Variants in ADAM28 observed in about 807,000 individuals in gnomAD.
The protein encoded by ADAM28 is disintegrin and metalloproteinase domain-containing protein 28.
A neutral mutation model predicts 101.2 loss-of-function variants in ADAM28; 105 were observed. That is an observed-to-expected ratio of 1.04 (90% CI 0.89 to 1.22). The LOEUF is 1.22. Among genes scored for constraint, ADAM28 ranks in the 50% most tolerant of loss-of-function variants. ADAM28 has a pLI of 0.00. For missense variants in ADAM28, 1,028 were observed against 945.4 expected, an observed-to-expected ratio of 1.09 and a Z score of -1.15; for synonymous variants, 322 against 310.6, an observed-to-expected ratio of 1.04 and a Z score of -0.39.
intron 4 of ADAM28, among the ~76,000 whole-genome samples, chr8:24,310,938 A>G (rs111361162): frequency 1.6e-3 from 237 of 152,336 alleles, no homozygotes; most frequent in African/African-American, 5.5e-3. Flanking sequence ...TGATAAATCA[A>G]GAAAGAAAAA....
intron 13 of ADAM28, among the ~76,000 whole-genome samples, chr8:24,333,292 A>G (rs1813605171): frequency 6.6e-6 from 1 of 152,186 alleles, no homozygotes; most frequent in Admixed American, 6.5e-5. Flanking sequence ...TTGTATGTTA[A>G]TAATTTGCTA....
At chr8:24,305,960 T>A (rs1809551633) in intron 2 of ADAM28, among the ~76,000 whole-genome samples, 1 of 152,022 alleles carries the variant, frequency 6.6e-6, no homozygotes, top group Non-Finnish European at 1.5e-5. Flanking sequence ...TTTGCCAGGG[T>A]TTAATTCCAG....
rs779618443 is a variant in ADAM28 at position 24,341,587 on chromosome 8, TTTTTC to T, written c.1671-10_1671-6del. 23 of 1,608,370 alleles carry T rather than the reference TTTTTC, an allele frequency of 1.4e-5. 1 individual carries two copies. The South Asian group carries it at 2.4e-4, about 17-fold the overall frequency. On this transcript the variant is annotated splice_region_variant and splice_polypyrimidine_tract_variant and intron_variant, in intron 15 of 22. Transcript: ENST00000265769. Reference sequence around the variant, plus strand: ...TTTGAATCCTGCAATACATTTTGGCTTTTTCCTCAGTGATACCATGTGTGGGAAGT... The same window carrying T: ...TTTGAATCCTGCAATACATTTTGGCTCTCAGTGATACCATGTGTGGGAAGT...
At chr8:24,309,819 G>A (rs1487547944) in intron 2 of ADAM28, 75 bp from the exon 3 acceptor site, 2 of 1,126,446 alleles carry the variant, frequency 1.8e-6, no homozygotes, top group East Asian at 2.4e-5. Flanking sequence ...GCTTGCTAAT[G>A]ACTACACAGA....
chr8:24,350,663 C>T (rs892740123), intron 19 of ADAM28, among the ~76,000 whole-genome samples: 13 of 152,258 alleles, frequency 8.5e-5, no homozygotes, highest in Admixed American at 2.6e-4. Flanking sequence ...ACAAGAACTT[C>T]ATAAAGTGGT....
chr8:24,321,308 C>A lies in ADAM28; in HGVS notation c.720+19C>A, dbSNP rs1277162970. ...CAACATGGTAAGACATATTTTATTA[C>A]CTGCAGTTTTAAACAGTTTGCTGGG... On this transcript the variant is annotated intron_variant, in intron 8 of 22. Transcript: ENST00000265769. The A allele has an allele frequency of 6.4e-7, 1 of 1,570,678 alleles. No homozygotes were observed. Among genetic ancestry groups the A allele is most frequent in the South Asian group, 1.1e-5 (1 of 90,176 alleles).
At chr8:24,327,550 T>C (rs545492571) in intron 10 of ADAM28, among the ~76,000 whole-genome samples, 1 of 152,140 alleles carries the variant, frequency 6.6e-6, no homozygotes, top group African/African-American at 2.4e-5. Flanking sequence ...AAATTTCATA[T>C]GGAACCAAAA....
chr8:24,299,856 C>G (rs1808471261), intron 1 of ADAM28, 118 bp from the exon 2 acceptor site: 3 of 687,094 alleles, frequency 4.4e-6, no homozygotes, highest in African/African-American at 1.8e-5. Context: ...CTCTGACATT[C>G]ATCACTTCAG....
chr8:24,346,238 T>C (rs1004201191), intron 18 of ADAM28, among the ~76,000 whole-genome samples: 5 of 152,126 alleles, frequency 3.3e-5, no homozygotes. Flanking sequence ...ACCATAATAG[T>C]ATTAGCAATA....
At chr8:24,303,362 C>CT (rs140600974) in intron 2 of ADAM28, among the ~76,000 whole-genome samples, 3,421 of 152,200 alleles carry the variant, frequency 0.022, 50 homozygotes, top group Non-Finnish European at 0.035. Context: ...CTGCATGTGG[C>CT]TAGCCAGTTC....
Position 24,341,624 on chromosome 8 carries a change from G to A in ADAM28, c.1697G>A (p.Cys566Tyr), listed in dbSNP as rs762199294. 11 of 1,613,502 alleles carry A rather than the reference G, an allele frequency of 6.8e-6. No individual in the cohort carries two copies. In the African/African-American group the frequency reaches 1.1e-4, roughly 16 times the overall value. The change falls in exon 16 of 23, where the codon TGT becomes TAT. Residue 566 changes from cysteine (C) to tyrosine (Y), a missense_variant. By Grantham distance (194) the Cys-to-Tyr change is radical (BLOSUM62 -2). Transcript: ENST00000265769. ...GATACCATGTGTGGGAAGTTGTTCT[G>A]TCAAGGTGGGTCGGATAATTTGCCC... Reference protein sequence around the residue: ...ANDTMCGKLFCQGGSDNLPWK... With the variant: ...ANDTMCGKLFYQGGSDNLPWK...
intron 21 of ADAM28, among the ~76,000 whole-genome samples, chr8:24,353,559 G>A (rs1816420738): frequency 1.3e-5 from 2 of 152,118 alleles, no homozygotes; most frequent in Admixed American, 6.6e-5. Context: ...AAAATATGGT[G>A]AGGAGAAAGT....
At chr8:24,305,925 T>C (rs1310980166) in intron 2 of ADAM28, among the ~76,000 whole-genome samples, 4 of 152,130 alleles carry the variant, frequency 2.6e-5, no homozygotes, top group Non-Finnish European at 5.9e-5. Context: ...ACAATAACCA[T>C]GTGGCTAAAC....
chr8:24,303,564 TC>T (rs1809127739), intron 2 of ADAM28, among the ~76,000 whole-genome samples: 2 of 152,186 alleles, frequency 1.3e-5, no homozygotes, highest in Non-Finnish European at 2.9e-5. Flanking sequence ...CACCTTGAAG[TC>T]CGGTAGTATA....
chr8:24,315,701 C>A (rs1474592778), intron 6 of ADAM28, among the ~76,000 whole-genome samples: 1 of 151,770 alleles, frequency 6.6e-6, no homozygotes, highest in African/African-American at 2.4e-5. Flanking sequence ...GACAAAGACG[C>A]CAAAGAAAGG....
chr8:24,312,196 A>T (rs1200611219), intron 5 of ADAM28, among the ~76,000 whole-genome samples: 1 of 151,908 alleles, frequency 6.6e-6, no homozygotes, highest in Non-Finnish European at 1.5e-5. Flanking sequence ...TGATTATCTA[A>T]TTTTCTTTTT....
At chr8:24,336,099 A>T (rs1814013461) in intron 14 of ADAM28, 24 of 987,704 alleles carry the variant, frequency 2.4e-5, no homozygotes, top group Non-Finnish European at 2.8e-5. Flanking sequence ...GACAGAAATA[A>T]GAAAAGATGG....
Position 24,313,507 on chromosome 8 carries a change from C to A in ADAM28, c.503C>A (p.Thr168Asn). The stretch of plus-strand genomic sequence containing the variant: ...CCTGATGAAAAGAATTATGACAGCA[C>A]CTGTGGGATGGATGGTGTGTTGTGG... ...YNPDEKNYDS[T>N]CGMDGVLWAH... The change falls in exon 6 of 23, where the codon ACC becomes AAC. Residue 168 changes from threonine to asparagine, a missense_variant. Transcript: ENST00000265769. The A allele has an allele frequency of 6.2e-7, 1 of 1,613,848 alleles. No individual in the cohort carries two copies. The highest frequency in any genetic ancestry group is 8.5e-7 in the Non-Finnish European group (1 of 1,179,846).
At chr8:24,300,179 T>TATAAACATAC in intron 2 of ADAM28, 102 bp downstream of exon 2, 7 of 918,826 alleles carry the variant, frequency 7.6e-6, no homozygotes, top group Non-Finnish European at 1.1e-5. Context: ...TTTATACATG[T>TATAAACATAC]ATGTTTATAT....
Sources: allele counts gnomAD v4.1 joint callset (sites outside exome capture counted in the v4.1 genomes callset), GRCh38; gene constraint gnomAD v4.1.1; transcripts MANE v1.5; gene names NCBI Gene and HGNC (gene_info 2026-07-23, HGNC 2026-07-21).